The following HS3ST4 variants were observed in gnomAD, a reference collection of about 807,000 sequenced individuals.
HS3ST4 encodes the protein heparan sulfate glucosamine 3-O-sulfotransferase 4.
HS3ST4 carries 17 observed loss-of-function variants against 29.2 expected under a neutral mutation model. That is an observed-to-expected ratio of 0.58 (90% CI 0.40 to 0.87). HS3ST4 has a LOEUF of 0.87. HS3ST4 is among the 40% of genes least tolerant of loss of function. The pLI is 0.00. For missense variants in HS3ST4, 627 were observed against 634.5 expected (o/e 0.99, Z 0.13); for synonymous variants, 314 against 285.7 (o/e 1.10, Z -1.00).
At chr16:25,731,181 C>G (rs544538448) in intron 1 of HS3ST4, among the ~76,000 whole-genome samples, 2 of 152,178 alleles carry the variant, frequency 1.3e-5, no homozygotes, top group African/African-American at 4.8e-5. Context: ...CATGACTGAT[C>G]TTAGCTATCA....
chr16:25,893,649 C>T (rs896624291), intron 1 of HS3ST4, among the ~76,000 whole-genome samples: 1 of 152,176 alleles, frequency 6.6e-6, no homozygotes, highest in African/African-American at 2.4e-5. Context: ...TTTGAATGAC[C>T]CAGTTGGGGT....
chr16:25,700,332 C>A (rs1047288703), intron 1 of HS3ST4, among the ~76,000 whole-genome samples: 2 of 152,050 alleles, frequency 1.3e-5, no homozygotes, highest in Non-Finnish European at 2.9e-5. Flanking sequence ...CCACTTGCCC[C>A]GGGTAAGTTC....
chr16:26,095,532 A>G (rs1296011725), intron 1 of HS3ST4, among the ~76,000 whole-genome samples: 1 of 152,224 alleles, frequency 6.6e-6, no homozygotes, highest in Non-Finnish European at 1.5e-5. Context: ...TAAATAATGC[A>G]ATGAAGGTGG....
chr16:25,882,636 C>T (rs1048446618), intron 1 of HS3ST4, among the ~76,000 whole-genome samples: 2 of 152,134 alleles, frequency 1.3e-5, no homozygotes, highest in African/African-American at 2.4e-5. Context: ...GGCTTATTCA[C>T]CTAGATTTTT....
In HS3ST4 at chr16:25,983,053, T is replaced by A. The variant is rs4638585; in HGVS notation, c.735-152559T>A. 3.0e-4 allele frequency among the ~76,000 whole-genome samples: 46 copies of A among 152,220 alleles called. No individual in the cohort carries two copies. In the South Asian group the frequency reaches 4.0e-3, roughly 13 times the overall value. On this transcript the variant is annotated intron_variant, in intron 1 of 1. Coordinates refer to ENST00000331351, the MANE Select transcript of HS3ST4 (RefSeq NM_006040.3). Reference sequence around the variant, plus strand: ...GCTTACATTCCTGTGGAGGGAGATATGTGATGTCCAATAAATAAGTAAATA... The same window carrying A: ...GCTTACATTCCTGTGGAGGGAGATAAGTGATGTCCAATAAATAAGTAAATA...
chr16:25,779,017 C>T (rs541413175), intron 1 of HS3ST4, among the ~76,000 whole-genome samples: 2 of 152,308 alleles, frequency 1.3e-5, no homozygotes, highest in Non-Finnish European at 2.9e-5. Context: ...CACACACACA[C>T]GCACACACCC....
intron 1 of HS3ST4, among the ~76,000 whole-genome samples, chr16:25,849,967 A>T (rs535805694): frequency 2.1e-5 from 3 of 145,320 alleles, no homozygotes; most frequent in Admixed American, 6.9e-5. Context: ...GTTTTGTTTT[A>T]TGTCGTATAA....
chr16:26,016,682 A>T (rs979347778), intron 1 of HS3ST4, among the ~76,000 whole-genome samples: 3 of 152,198 alleles, frequency 2.0e-5, no homozygotes, highest in Non-Finnish European at 4.4e-5. Context: ...TTTATGGAAG[A>T]TATAGCAAGT....
intron 1 of HS3ST4, among the ~76,000 whole-genome samples, chr16:26,123,113 G>T (rs1006910503): frequency 6.6e-6 from 1 of 151,746 alleles, no homozygotes; most frequent in African/African-American, 2.4e-5. Context: ...CAGAGCAGAT[G>T]GGGCTGTTTG....
chr16:25,784,440 G>A (rs1449620568), intron 1 of HS3ST4, among the ~76,000 whole-genome samples: 2 of 152,236 alleles, frequency 1.3e-5, no homozygotes, highest in Non-Finnish European at 2.9e-5. Context: ...AGTTGTGAGT[G>A]CAAAAGGAAA....
chr16:25,857,238 G>T (rs951999175), intron 1 of HS3ST4, among the ~76,000 whole-genome samples: 4 of 152,108 alleles, frequency 2.6e-5, no homozygotes, highest in African/African-American at 9.7e-5. Context: ...TCTTCTCCAG[G>T]TGGGTAGATC....
At chr16:25,718,581 T>C (rs1264494000) in intron 1 of HS3ST4, among the ~76,000 whole-genome samples, 1 of 152,180 alleles carries the variant, frequency 6.6e-6, no homozygotes, top group Non-Finnish European at 1.5e-5. Context: ...CAAGACTAAC[T>C]CTATCCAAGA....
chr16:26,015,910 G>C (rs1370073188), intron 1 of HS3ST4, among the ~76,000 whole-genome samples: 1 of 152,064 alleles, frequency 6.6e-6, no homozygotes, highest in East Asian at 1.9e-4. Flanking sequence ...CATTTATCAA[G>C]GTATAGAGAC....
chr16:25,874,790 G>A (rs985970484), intron 1 of HS3ST4, among the ~76,000 whole-genome samples: 1 of 152,140 alleles, frequency 6.6e-6, no homozygotes, highest in Non-Finnish European at 1.5e-5. Context: ...AGTAGCATAA[G>A]TACAGTGATA....
intron 1 of HS3ST4, among the ~76,000 whole-genome samples, chr16:25,983,850 G>A (rs1189328000): frequency 2.6e-5 from 4 of 152,166 alleles, no homozygotes; most frequent in Non-Finnish European, 4.4e-5. Context: ...AAAGGACAGC[G>A]TGGGGCTGTG....
chr16:25,833,257 G>A (rs1277603439), intron 1 of HS3ST4, among the ~76,000 whole-genome samples: 3 of 152,076 alleles, frequency 2.0e-5, no homozygotes, highest in Non-Finnish European at 4.4e-5. Context: ...ATGGGAAGAA[G>A]GGAAATGACT....
Position 26,082,475 on chromosome 16 carries a change from A to C in HS3ST4, c.735-53137A>C, listed in dbSNP as rs573527923. ...CAGAGAGACTGGGTTTTGAGTCTAGACTCCACTGTTACTCACTTGGGCACA... is the reference window on the plus strand; with the variant it reads ...CAGAGAGACTGGGTTTTGAGTCTAGCCTCCACTGTTACTCACTTGGGCACA... On this transcript the variant is annotated intron_variant, in intron 1 of 1. Coordinates refer to ENST00000331351, the MANE Select transcript of HS3ST4 (RefSeq NM_006040.3). 1.1e-4 allele frequency among the ~76,000 whole-genome samples: 17 copies of C among 151,792 alleles called. 1 individual carries two copies. In the South Asian group the frequency reaches 3.5e-3, roughly 32 times the overall value.
chr16:25,830,580 C>T (rs1967285298), intron 1 of HS3ST4, among the ~76,000 whole-genome samples: 2 of 152,194 alleles, frequency 1.3e-5, no homozygotes, highest in South Asian at 4.1e-4. Flanking sequence ...CCCCAGTGTC[C>T]TGAAATGGAT....
intron 1 of HS3ST4, among the ~76,000 whole-genome samples, chr16:25,739,148 C>T (rs1966633723): frequency 2.0e-5 from 3 of 152,058 alleles, no homozygotes; most frequent in South Asian, 4.2e-4. Flanking sequence ...TCAAGACAAG[C>T]CTGGCCAACA....
Sources: gnomAD v4.1 joint callset for allele counts (sites outside exome capture counted in the v4.1 genomes callset) on GRCh38, gnomAD v4.1.1 for gene constraint, MANE v1.5 for transcripts, NCBI Gene and HGNC (gene_info 2026-07-23, HGNC 2026-07-21) for gene names.